Variants in TESC observed in about 807,000 individuals in gnomAD.
TESC encodes the protein calcineurin B homologous protein 3.
In TESC, 19 loss-of-function variants were observed where a neutral mutation model predicts 31.0. That is an observed-to-expected ratio of 0.61 (90% CI 0.43 to 0.90). The LOEUF is 0.90. TESC is among the 40% of genes least tolerant of loss of function. TESC has a pLI of 0.00. For synonymous variants in TESC, 109 were observed against 114.8 expected (o/e 0.95, Z 0.32); for missense variants, 248 against 303.8 (o/e 0.82, Z 1.36).
intron 1 of TESC, among the ~76,000 whole-genome samples, chr12:117,081,155 C>T (rs1214665404): frequency 2.6e-5 from 4 of 152,150 alleles, no homozygotes; most frequent in Middle Eastern, 3.2e-3. Context: ...AGGAACACAC[C>T]TGGCCTGTCC....
chr12:117,055,432 C>T (rs1311712531), intron 3 of TESC, among the ~76,000 whole-genome samples: 29 of 152,156 alleles, frequency 1.9e-4, no homozygotes, highest in Non-Finnish European at 1.3e-4. Context: ...TGTGAGCCGC[C>T]GCACCTGACC....
intron 7 of TESC, among the ~76,000 whole-genome samples, chr12:117,039,413 A>G (rs979012168): frequency 9.2e-5 from 14 of 152,182 alleles, no homozygotes; most frequent in African/African-American, 3.1e-4. Context: ...TTGCTGGTTA[A>G]TTTGGCTCTG....
At chr12:117,041,030 GA>G (rs1333322122) in intron 7 of TESC, among the ~76,000 whole-genome samples, 1 of 142,982 alleles carries the variant, frequency 7.0e-6, no homozygotes. Flanking sequence ...CGGGGAGGGG[GA>G]TGGGGGGAGG....
intron 1 of TESC, among the ~76,000 whole-genome samples, chr12:117,096,726 G>T (rs1955401463): frequency 6.6e-6 from 1 of 152,186 alleles, no homozygotes; most frequent in African/African-American, 2.4e-5. Flanking sequence ...TAAGTGACTT[G>T]CCCAAGGTAC....
At chr12:117,045,517 T>C (rs1356410365) in intron 6 of TESC, among the ~76,000 whole-genome samples, 1 of 152,190 alleles carries the variant, frequency 6.6e-6, no homozygotes, top group East Asian at 1.9e-4. Flanking sequence ...TGGTGGTTAG[T>C]CTGCTGAGTG....
At chr12:117,077,179 A>C (rs1955085765) in intron 1 of TESC, among the ~76,000 whole-genome samples, 1 of 152,168 alleles carries the variant, frequency 6.6e-6, no homozygotes, top group Admixed American at 6.5e-5. Context: ...AAGGCTGTCA[A>C]CCCAGACTGA....
chr12:117,045,965 T>TTC (rs1283664509), intron 6 of TESC, among the ~76,000 whole-genome samples: 1 of 152,176 alleles, frequency 6.6e-6, no homozygotes, highest in Non-Finnish European at 1.5e-5. Context: ...GTCTAGAGGA[T>TTC]TCTCTATGCT....
intron 2 of TESC, among the ~76,000 whole-genome samples, chr12:117,069,486 G>T (rs1954935253): frequency 6.6e-6 from 1 of 152,172 alleles, no homozygotes; most frequent in Non-Finnish European, 1.5e-5. Flanking sequence ...TGATCCGCCA[G>T]CCTCAGCCTC....
chr12:117,046,544 T>A lies in TESC; in HGVS notation c.519+15A>T. 4.5e-6 allele frequency: 7 copies of A among 1,545,372 alleles called. No homozygotes were observed. Among genetic ancestry groups the A allele is most frequent in the Non-Finnish European group, 6.1e-6 (7 of 1,143,692 alleles). The stretch of plus-strand genomic sequence containing the variant: ...AAGGCACTGCGCGTCTCGGGAGGGC[T>A]GCAGGGGCGCTCACCATCTGCCCCA... On this transcript the variant is annotated intron_variant, in intron 6 of 7. Transcript: ENST00000335209.
At chr12:117,054,567 C>A (rs1954694440) in intron 3 of TESC, among the ~76,000 whole-genome samples, 1 of 152,152 alleles carries the variant, frequency 6.6e-6, no homozygotes, top group Non-Finnish European at 1.5e-5. Context: ...CACTCTCTCG[C>A]CAGGCCTTGC....
chr12:117,063,323 G>A (rs1229857726), intron 2 of TESC, among the ~76,000 whole-genome samples: 1 of 152,094 alleles, frequency 6.6e-6, no homozygotes, highest in Non-Finnish European at 1.5e-5. Context: ...GAAAGAGCGA[G>A]GCATCTGCTC....
intron 1 of TESC, among the ~76,000 whole-genome samples, chr12:117,075,869 A>ATATATATG (rs1955049402): frequency 1.3e-4 from 4 of 31,440 alleles, no homozygotes; most frequent in African/African-American, 2.5e-4. Context: ...ATATATATAT[A>ATATATATG]TGTGTGTATA....
chr12:117,075,913 A>ATATGTGTGTGTGTG (rs1265957613), intron 1 of TESC, among the ~76,000 whole-genome samples: 3 of 51,952 alleles, frequency 5.8e-5, no homozygotes, highest in African/African-American at 2.1e-4. Flanking sequence ...ATATATATAT[A>ATATGTGTGTGTGTG]TGTGTGTGTG....
intron 2 of TESC, among the ~76,000 whole-genome samples, chr12:117,065,967 T>C (rs1954873097): frequency 6.6e-6 from 1 of 152,128 alleles, no homozygotes. Flanking sequence ...AAGTCATCAC[T>C]AGGGCAAAGG....
At chr12:117,056,959 C>T (rs988482526) in intron 2 of TESC, 73 bp from the exon 3 acceptor site, 1 of 1,464,506 alleles carries the variant, frequency 6.8e-7, no homozygotes, top group Non-Finnish European at 9.5e-7. Flanking sequence ...CATTTTCATC[C>T]TGTATCAAGC....
intron 1 of TESC, among the ~76,000 whole-genome samples, chr12:117,081,916 A>G (rs1347991692): frequency 6.6e-6 from 1 of 151,858 alleles, no homozygotes; most frequent in African/African-American, 2.4e-5. Flanking sequence ...AAAAAGAAAA[A>G]AAAAGAAAAG....
At chr12:117,040,868 A>G (rs1954472561) in intron 7 of TESC, among the ~76,000 whole-genome samples, 2 of 152,194 alleles carry the variant, frequency 1.3e-5, no homozygotes, top group South Asian at 4.1e-4. Context: ...CCAGTCCCCC[A>G]GTCCTGCTCT....
chr12:117,047,317 C>T (rs1954583315), intron 4 of TESC, among the ~76,000 whole-genome samples: 1 of 152,224 alleles, frequency 6.6e-6, no homozygotes, highest in Non-Finnish European at 1.5e-5. Flanking sequence ...CAGCCCCAGG[C>T]CTGGCATCAG....
At chr12:117,055,783 A>G (rs1954714200) in intron 3 of TESC, among the ~76,000 whole-genome samples, 1 of 152,094 alleles carries the variant, frequency 6.6e-6, no homozygotes, top group Non-Finnish European at 1.5e-5. Context: ...ATGAGGCAAG[A>G]CCTCAGCCCC....
Sources: gnomAD v4.1 joint callset for allele counts (sites outside exome capture counted in the v4.1 genomes callset) on GRCh38, gnomAD v4.1.1 for gene constraint, MANE v1.5 for transcripts, NCBI Gene and HGNC (gene_info 2026-07-23, HGNC 2026-07-21) for gene names.